The following WDR33 variants were observed in gnomAD, a reference collection of about 807,000 sequenced individuals.
WDR33 encodes the protein WD repeat domain 33.
A neutral mutation model predicts 164.9 loss-of-function variants in WDR33; 47 were observed. The observed-to-expected ratio is 0.29, with a 90% CI of 0.23 to 0.36. The LOEUF (loss-of-function observed/expected upper bound fraction) is 0.36. Ranked by LOEUF, WDR33 falls within the 10% of genes least tolerant of loss-of-function variation. WDR33 has a pLI of 1.00. For synonymous variants in WDR33, 505 were observed against 589.0 expected, an observed-to-expected ratio of 0.86 and a Z score of 2.06; for missense variants, 1,137 against 1,754.1, an observed-to-expected ratio of 0.65 and a Z score of 6.28.
In WDR33 at chr2:127,774,190, T is replaced by G. The variant is rs533759346; in HGVS notation, c.-23-3186A>C. 3.3e-5 allele frequency among the ~76,000 whole-genome samples: 5 copies of G among 151,814 alleles called. No homozygotes were observed. In the South Asian group the frequency reaches 1.0e-3, roughly 32 times the overall value. ...CCTCAGCCTCCCGAGTAGGTGGGAT[T>G]ACAGGCATCTGCCACCATGCCTGGC... On this transcript the variant is annotated intron_variant, in intron 1 of 21. Coordinates refer to ENST00000322313, the MANE Select transcript of WDR33 (RefSeq NM_018383.5).
intron 1 of WDR33, among the ~76,000 whole-genome samples, chr2:127,775,543 T>A (rs1189408855): frequency 6.6e-6 from 1 of 152,208 alleles, no homozygotes; most frequent in Non-Finnish European, 1.5e-5. Context: ...AGTTGATGAC[T>A]GTTGAAGCTG....
In WDR33 at chr2:127,764,685, C is replaced by T; in HGVS notation, c.626+143G>A. The T allele has an allele frequency of 6.3e-7, 1 of 1,599,964 alleles. No homozygotes were observed. The highest frequency in any genetic ancestry group is 8.5e-7 in the Non-Finnish European group (1 of 1,172,634). ...CAGCAAAATGGTGAATGTGTGAAAA[C>T]AAAGAAAAATATTGTGTTTATAGGG... On this transcript the variant is annotated intron_variant, in intron 6 of 21. Transcript: ENST00000322313. The surrounding 1 kb of genome is among the most constrained non-coding windows in gnomAD (Gnocchi z 6.2).
rs1685876781 is a variant in WDR33, at chr2:127,701,534, G to A, written c.*4789C>T. The A allele has an allele frequency of 3.0e-6, 4 of 1,337,350 alleles. No individual in the cohort carries two copies. The highest frequency in any genetic ancestry group is 3.0e-5 in the East Asian group (1 of 33,476). The allele number at this position is 1,337,350 out of a possible 1,614,324, so 82.8% of individuals were successfully genotyped here. A position where few individuals can be genotyped will look rare whatever the true frequency, so the allele number is the denominator to read the frequency against. ...CTGCCACCGCCTTGTCCAAGATGGC[G>A]GACCTCCACCGCCAGCTGCAGGAGT... On this transcript the variant is annotated 3_prime_UTR_variant, in exon 22 of 22. Coordinates refer to ENST00000322313, the MANE Select transcript of WDR33 (RefSeq NM_018383.5).
At position 127,701,388 on chromosome 2, in the gene WDR33, G is replaced by GGCACCGCGGCACTTCCGCGA; in HGVS notation, c.*4915_*4934dup. 1.2e-6 allele frequency: 1 copy of GGCACCGCGGCACTTCCGCGA among 806,494 alleles called. No individual in the cohort carries two copies. The highest frequency in any genetic ancestry group is 4.4e-5 in the Admixed American group (1 of 22,526). The allele number at this position is 806,494 out of a possible 1,614,324, so 50.0% of individuals were successfully genotyped here. A position where few individuals can be genotyped will look rare whatever the true frequency, so the allele number is the denominator to read the frequency against. ...GGACACCACAAAAGTCCGCAGAGCA[G>GGCACCGCGGCACTTCCGCGA]GCACCGCGGCACTTCCGCGAGCGCC... On this transcript the variant is annotated 3_prime_UTR_variant, in exon 22 of 22. Coordinates refer to ENST00000322313, the MANE Select transcript of WDR33 (RefSeq NM_018383.5).
At chr2:127,758,019 T>C (rs895473707) in intron 7 of WDR33, among the ~76,000 whole-genome samples, 1 of 152,206 alleles carries the variant, frequency 6.6e-6, no homozygotes, top group Non-Finnish European at 1.5e-5. Context: ...TAGTATTATA[T>C]TTGAAAACTA....
intron 7 of WDR33, among the ~76,000 whole-genome samples, chr2:127,744,929 A>G (rs1339222009): frequency 3.9e-5 from 6 of 152,146 alleles, no homozygotes; most frequent in African/African-American, 7.2e-5. Flanking sequence ...ATGACTGATG[A>G]AAAAAATGCA....
Position 127,770,467 on chromosome 2 carries a change from A to G in WDR33, c.204+311T>C, listed in dbSNP as rs919703773. 4.6e-5 allele frequency among the ~76,000 whole-genome samples: 7 copies of G among 152,164 alleles called. No individual in the cohort carries two copies. The highest frequency in any genetic ancestry group is 7.4e-5 in the Non-Finnish European group (5 of 68,024). ...CACTTTGGGAGACTGAGGCAGGTGGATCACCTGAGGTTAGGAGTTTGAGAC... is the reference window on the plus strand; with the variant it reads ...CACTTTGGGAGACTGAGGCAGGTGGGTCACCTGAGGTTAGGAGTTTGAGAC... On this transcript the variant is annotated intron_variant, in intron 2 of 21. Transcript: ENST00000322313. The surrounding 1 kb of genome is among the most constrained non-coding windows in gnomAD (Gnocchi z 4.9).
At chr2:127,743,227 A>T (rs1244082140) in intron 7 of WDR33, among the ~76,000 whole-genome samples, 1 of 152,236 alleles carries the variant, frequency 6.6e-6, no homozygotes, top group Admixed American at 6.5e-5. Flanking sequence ...AAATTGAAAA[A>T]TTAAAAACCT....
chr2:127,762,921 T>G (rs1050633177), intron 7 of WDR33, 141 bp downstream of exon 7: 31 of 1,430,030 alleles, frequency 2.2e-5, no homozygotes, highest in Non-Finnish European at 2.8e-5. Flanking sequence ...AAGTGCTGGG[T>G]TTTTTTGAAG....
At chr2:127,747,034 G>A (rs1167707958) in intron 7 of WDR33, among the ~76,000 whole-genome samples, 1 of 152,140 alleles carries the variant, frequency 6.6e-6, no homozygotes, top group East Asian at 1.9e-4. Context: ...TGAATTTTGT[G>A]GAGATCACCA....
Position 127,724,790 on chromosome 2 carries a change from T to C in WDR33, c.1085+97A>G. The C allele has an allele frequency of 7.4e-7, 1 of 1,344,024 alleles. No individual in the cohort carries two copies. The highest frequency in any genetic ancestry group is 2.3e-5 in the East Asian group (1 of 43,584). 83.3% of individuals were successfully genotyped at this position (1,344,024 alleles called of 1,614,324 possible). ...TGCAAGCAGTCTCTGATATAGGATA[T>C]ATGAACACTTAGAAAAGCTACAAAA... On this transcript the variant is annotated intron_variant, in intron 10 of 21. Transcript: ENST00000322313. This position sits in a 1 kb window ranked among gnomAD's most constrained non-coding sequence, Gnocchi z 4.8.
At chr2:127,750,775 C>CAT (rs1248749423) in intron 7 of WDR33, among the ~76,000 whole-genome samples, 30 of 114,104 alleles carry the variant, frequency 2.6e-4, no homozygotes, top group Non-Finnish European at 2.5e-4. Context: ...TATATATACA[C>CAT]ATATATATAC....
Position 127,726,415 on chromosome 2 carries a change from G to A in WDR33, c.851+236C>T, listed in dbSNP as rs115515752. ...TCCCTCCTCATCCTCCTCCCCACCCGTATATAACAACCAAATTAAACTTAG... is the reference window on the plus strand; with the variant it reads ...TCCCTCCTCATCCTCCTCCCCACCCATATATAACAACCAAATTAAACTTAG... On this transcript the variant is annotated intron_variant, in intron 8 of 21. Transcript: ENST00000322313. This position sits in a 1 kb window ranked among gnomAD's most constrained non-coding sequence, Gnocchi z 4.8. Among the ~76,000 whole-genome samples the A allele has an allele frequency of 1.2e-4, 19 of 152,048 alleles. No individual in the cohort carries two copies. Among genetic ancestry groups the A allele is most frequent in the Admixed American group, 1.2e-3 (19 of 15,270 alleles).
Position 127,710,084 on chromosome 2 carries a change from C to CT in WDR33, c.3309-229dup, listed in dbSNP as rs1461820128. On this transcript the variant is annotated intron_variant, in intron 18 of 21. Coordinates refer to ENST00000322313, the MANE Select transcript of WDR33 (RefSeq NM_018383.5). This position sits in a 1 kb window ranked among gnomAD's most constrained non-coding sequence, Gnocchi z 4.4. Reference sequence around the variant, plus strand: ...CACCAGAGTGTGGAGTTACTTTAAGCTTCTTTTAGGCTTTTAGGTATATAC... The same window carrying CT: ...CACCAGAGTGTGGAGTTACTTTAAGCTTTCTTTTAGGCTTTTAGGTATATAC... Among the ~76,000 whole-genome samples the CT allele has an allele frequency of 1.3e-5, 2 of 152,192 alleles. No individual in the cohort carries two copies. The highest frequency in any genetic ancestry group is 2.9e-5 in the Non-Finnish European group (2 of 68,030).
In WDR33 at chr2:127,722,523, CA is replaced by C; in HGVS notation, c.1518+67del. ...AAACACCTTCAACAGTGAGATAATC[CA>C]AGAGAAACCTCAAACTAACCAACCA... On this transcript the variant is annotated intron_variant, in intron 14 of 21. Transcript: ENST00000322313. The surrounding 1 kb of genome is among the most constrained non-coding windows in gnomAD (Gnocchi z 5.1). The C allele has an allele frequency of 6.4e-7, 1 of 1,570,202 alleles. No individual in the cohort carries two copies. The highest frequency in any genetic ancestry group is 8.6e-7 in the Non-Finnish European group (1 of 1,161,240).
Position 127,720,009 on chromosome 2 carries a change from AT to A in WDR33, c.2015del (p.His672LeufsTer46). 6.2e-7 allele frequency: 1 copy of A among 1,613,772 alleles called. No individual in the cohort carries two copies. The highest frequency in any genetic ancestry group is 8.5e-7 in the Non-Finnish European group (1 of 1,179,902). On this transcript the variant is annotated frameshift_variant, in exon 16 of 22. Coordinates refer to ENST00000322313, the MANE Select transcript of WDR33 (RefSeq NM_018383.5). LOFTEE classifies it high-confidence loss of function. The surrounding 1 kb of genome is among the most constrained non-coding windows in gnomAD (Gnocchi z 5.9). ...PQGLPRPQDMHGPQGMQRHPG... is the reference protein window; with the variant it reads ...PQGLPRPQDMXGPQGMQRHPG... ...GATGCCTCTGCATTCCTTGGGGCCC[AT>A]GCATGTCCTGAGGCCGTGGCAACCC...
chr2:127,776,853 T>C (rs1424463807), intron 1 of WDR33, among the ~76,000 whole-genome samples: 1 of 152,256 alleles, frequency 6.6e-6, no homozygotes, highest in African/African-American at 2.4e-5. Context: ...CTTGGGATTA[T>C]ACTCCAAAGA....
chr2:127,799,935 A>G (rs1486286409), intron 1 of WDR33, among the ~76,000 whole-genome samples: 1 of 152,198 alleles, frequency 6.6e-6, no homozygotes, highest in East Asian at 1.9e-4. Context: ...ATAACACTTC[A>G]CATCCACTGG....
chr2:127,750,573 C>A (rs1246775709), intron 7 of WDR33, among the ~76,000 whole-genome samples: 1 of 142,224 alleles, frequency 7.0e-6, no homozygotes, highest in African/African-American at 2.6e-5. Flanking sequence ...TGTTTGAACC[C>A]GAGAGGCGGA....
Sources: allele counts gnomAD v4.1 joint callset (sites outside exome capture counted in the v4.1 genomes callset), GRCh38; gene constraint gnomAD v4.1.1; non-coding constraint Gnocchi (gnomAD v3.1); transcripts MANE v1.5; gene names NCBI Gene and HGNC (gene_info 2026-07-23, HGNC 2026-07-21).